The following STT3B variants were observed in gnomAD, a reference collection of about 807,000 sequenced individuals.
STT3B encodes STT3 oligosaccharyltransferase complex catalytic subunit B.
Under a neutral mutation model 96.8 loss-of-function variants are expected in STT3B, and 29 were observed. The ratio of observed to expected loss-of-function variants is 0.30; its 90% CI spans 0.22 to 0.41. STT3B has a LOEUF of 0.41. STT3B is among the 10% of genes least tolerant of loss of function. The probability of loss-of-function intolerance (pLI) is 1.00; values close to 1 mark genes in which losing one functional copy is unlikely to be tolerated. For synonymous variants in STT3B, 367 were observed against 360.0 expected (o/e 1.02, Z -0.22); for missense variants, 640 against 1,022.3 (o/e 0.63, Z 5.10).
chr3:31,550,810 C>G (rs890763239), intron 1 of STT3B, among the ~76,000 whole-genome samples: 1 of 150,864 alleles, frequency 6.6e-6, no homozygotes, highest in Non-Finnish European at 1.5e-5. Context: ...TTTTTTTTTC[C>G]ATGTGTTACT....
intron 5 of STT3B, among the ~76,000 whole-genome samples, chr3:31,602,082 CCACT>C (rs1437626753): frequency 2.0e-4 from 30 of 152,188 alleles, no homozygotes; most frequent in Non-Finnish European, 5.9e-5. Flanking sequence ...TGTGATCTTG[CCACT>C]GCACTCCAGC....
At chr3:31,620,559 AC>A (rs2125474890) in intron 9 of STT3B, among the ~76,000 whole-genome samples, 1 of 152,298 alleles carries the variant, frequency 6.6e-6, no homozygotes, top group Non-Finnish European at 1.5e-5. Flanking sequence ...CTCTTCATTG[AC>A]AGATTTGTAT....
chr3:31,591,958 C>T (rs1698674287), intron 3 of STT3B, among the ~76,000 whole-genome samples: 1 of 151,934 alleles, frequency 6.6e-6, no homozygotes, highest in African/African-American at 2.4e-5. Flanking sequence ...TTTTTTTAAA[C>T]TATGGTAAAA....
intron 5 of STT3B, among the ~76,000 whole-genome samples, chr3:31,607,255 A>G (rs894497120): frequency 2.0e-5 from 3 of 152,130 alleles, no homozygotes; most frequent in African/African-American, 2.4e-5. Context: ...TTGGGGGACT[A>G]TTGGGAAGGC....
intron 5 of STT3B, among the ~76,000 whole-genome samples, chr3:31,602,241 C>G (rs1308164395): frequency 6.6e-6 from 1 of 151,988 alleles, no homozygotes; most frequent in East Asian, 1.9e-4. Context: ...ATTTCTCTAC[C>G]CCAAAAACAC....
At chr3:31,612,511 A>C (rs567094125) in intron 5 of STT3B, among the ~76,000 whole-genome samples, 2 of 152,308 alleles carry the variant, frequency 1.3e-5, no homozygotes, top group African/African-American at 4.8e-5. Flanking sequence ...TTTAGCATTA[A>C]CCTATGTTTA....
At chr3:31,542,215 T>G (rs191148652) in intron 1 of STT3B, among the ~76,000 whole-genome samples, 1 of 152,350 alleles carries the variant, frequency 6.6e-6, no homozygotes, top group East Asian at 1.9e-4. Flanking sequence ...AAACTATGGC[T>G]TTTTGTCAAC....
rs148937732 is a variant in STT3B at position 31,631,859 on chromosome 3, A to AT, written c.2188-1066dup. ...ATGTCAACATAAACTTAGTCTGAGC[A>AT]TTTTTTTTTTCCCCGAGACAGGATC... On this transcript the variant is annotated intron_variant, in intron 14 of 15. Coordinates refer to ENST00000295770, the MANE Select transcript of STT3B (RefSeq NM_178862.3). Among the ~76,000 whole-genome samples, 371 of 149,194 alleles carry AT rather than the reference A, an allele frequency of 2.5e-3. 2 individuals are homozygous for AT. Among genetic ancestry groups the AT allele is most frequent in the African/African-American group, 8.2e-3 (336 of 40,776 alleles).
intron 1 of STT3B, among the ~76,000 whole-genome samples, chr3:31,549,381 C>G (rs1697495981): frequency 1.3e-5 from 2 of 151,594 alleles, no homozygotes; most frequent in African/African-American, 4.9e-5. Flanking sequence ...GTTAAGTTCT[C>G]AGGCCTGTAT....
intron 4 of STT3B, among the ~76,000 whole-genome samples, chr3:31,597,361 T>C (rs910167649): frequency 2.4e-4 from 36 of 152,070 alleles, no homozygotes; most frequent in Admixed American, 6.5e-4. Flanking sequence ...GGTTTCACCA[T>C]GTTGGCCAGG....
At position 31,585,229 on chromosome 3, in the gene STT3B, C is replaced by T. The variant is rs141194463; in HGVS notation, c.711+5133C>T. On this transcript the variant is annotated intron_variant, in intron 3 of 15. Coordinates refer to ENST00000295770, the MANE Select transcript of STT3B (RefSeq NM_178862.3). The stretch of plus-strand genomic sequence containing the variant: ...TCTACAGAGATTAAAACATTTTCAT[C>T]GTGATTGAGTGATTGAGAGTAAAGT... 4.2e-3 allele frequency among the ~76,000 whole-genome samples: 638 copies of T among 152,078 alleles called. 3 individuals are homozygous for T. The highest frequency in any genetic ancestry group is 7.0e-3 in the Non-Finnish European group (472 of 67,898).
At position 31,543,129 on chromosome 3, in the gene STT3B, T is replaced by C. The variant is rs552730642; in HGVS notation, c.314+9817T>C. On this transcript the variant is annotated intron_variant, in intron 1 of 15. Transcript: ENST00000295770. ...GGCCTACTTCTCTCAGAAATCACAA[T>C]TGATCATCTGTGTCTTACGTGAGAG... Among the ~76,000 whole-genome samples, 66 of 151,024 alleles carry C rather than the reference T, an allele frequency of 4.4e-4. 1 individual carries two copies. The South Asian group carries it at 8.8e-3, about 20-fold the overall frequency.
chr3:31,628,939 T>G (rs1271035057), intron 13 of STT3B, among the ~76,000 whole-genome samples: 2 of 152,098 alleles, frequency 1.3e-5, no homozygotes, highest in African/African-American at 4.8e-5. Context: ...ACCCTGTCTC[T>G]ACAAAAAAAT....
chr3:31,571,609 G>C (rs896881628), intron 1 of STT3B, among the ~76,000 whole-genome samples: 5 of 152,054 alleles, frequency 3.3e-5, no homozygotes, highest in Non-Finnish European at 5.9e-5. Context: ...TGTTACCTGT[G>C]ATGTGTGACT....
intron 13 of STT3B, 25 bp downstream of exon 13, chr3:31,626,152 A>T (rs762363514): frequency 6.3e-7 from 1 of 1,594,084 alleles, no homozygotes; most frequent in Non-Finnish European, 8.6e-7. Context: ...AATTCCAGGT[A>T]TGTGAAAGAT....
chr3:31,631,348 C>T (rs534959611), intron 14 of STT3B, among the ~76,000 whole-genome samples: 13 of 152,302 alleles, frequency 8.5e-5, no homozygotes, highest in Non-Finnish European at 1.6e-4. Flanking sequence ...GGTCTTTAAA[C>T]GCTTGCTAAG....
At chr3:31,540,690 C>A (rs537316863) in intron 1 of STT3B, among the ~76,000 whole-genome samples, 1 of 152,108 alleles carries the variant, frequency 6.6e-6, no homozygotes, top group African/African-American at 2.4e-5. Flanking sequence ...ATAAGATATA[C>A]ATATATATAC....
At chr3:31,601,843 A>T (rs780352192) in intron 5 of STT3B, among the ~76,000 whole-genome samples, 2 of 152,184 alleles carry the variant, frequency 1.3e-5, no homozygotes, top group Non-Finnish European at 2.9e-5. Context: ...TTTTCATTTG[A>T]TACTGTGAGG....
At chr3:31,584,025 TTTCC>T (rs1575426223) in intron 3 of STT3B, among the ~76,000 whole-genome samples, 1 of 152,202 alleles carries the variant, frequency 6.6e-6, no homozygotes, top group East Asian at 1.9e-4. Flanking sequence ...TACACCTCTG[TTTCC>T]TTCTAAAGAT....
Sources: allele counts gnomAD v4.1 joint callset (sites outside exome capture counted in the v4.1 genomes callset), GRCh38; gene constraint gnomAD v4.1.1; transcripts MANE v1.5; gene names NCBI Gene and HGNC (gene_info 2026-07-23, HGNC 2026-07-21).